The following LETMD1 variants were observed in gnomAD, a reference collection of about 807,000 sequenced individuals.
LETMD1 encodes the protein LETM1 domain-containing protein 1.
A neutral mutation model predicts 43.9 loss-of-function variants in LETMD1; 30 were observed. The ratio of observed to expected loss-of-function variants is 0.68; its 90% CI spans 0.51 to 0.93. LETMD1 has a LOEUF of 0.93. Among genes scored for constraint, LETMD1 ranks in the 40% least tolerant of loss-of-function variants. The pLI is 0.00. For missense variants in LETMD1, 413 were observed against 447.7 expected, an observed-to-expected ratio of 0.92 and a Z score of 0.70; for synonymous variants, 176 against 163.1, an observed-to-expected ratio of 1.08 and a Z score of -0.60.
chr12:51,064,795 T>C, downstream of LETMD1: 1 of 685,058 alleles, frequency 1.5e-6, no homozygotes, highest in Non-Finnish European at 2.3e-6. Flanking sequence ...AAGCAACCAA[T>C]TCAAAGCATA....
At chr12:51,058,360 G>A in intron 8 of LETMD1, 2 of 532,340 alleles carry the variant, frequency 3.8e-6, no homozygotes, top group Non-Finnish European at 6.7e-6. Context: ...GCATGCTAGT[G>A]TGAATTTTCC....
At chr12:51,066,725 T>C in the LETMD1 span, among the ~76,000 whole-genome samples, 6 of 152,180 alleles carry the variant, frequency 3.9e-5, no homozygotes, top group Non-Finnish European at 8.8e-5. Context: ...CCAGGTCTGA[T>C]CCTGAATTAT....
intron 2 of LETMD1, among the ~76,000 whole-genome samples, chr12:51,050,148 T>G (rs978487836): frequency 2.0e-5 from 3 of 152,202 alleles, no homozygotes; most frequent in African/African-American, 7.2e-5. Context: ...TTGGCTGCTT[T>G]TTCTGTTTTC....
chr12:51,048,487 C>T lies in LETMD1; in HGVS notation c.122+9C>T. On this transcript the variant is annotated intron_variant, in intron 1 of 8. Transcript: ENST00000262055. Reference sequence around the variant, plus strand: ...GCTTGGGGGGCCCCTCGGTGAGGGACCTGTAGCGAGAAAAGCATTTTTGAC... The same window carrying T: ...GCTTGGGGGGCCCCTCGGTGAGGGATCTGTAGCGAGAAAAGCATTTTTGAC... The T allele has an allele frequency of 1.9e-6, 3 of 1,612,514 alleles. No individual in the cohort carries two copies. The highest frequency in any genetic ancestry group is 1.1e-5 in the South Asian group (1 of 91,076).
At chr12:51,066,153 C>T in the LETMD1 span, among the ~76,000 whole-genome samples, 1 of 152,174 alleles carries the variant, frequency 6.6e-6, no homozygotes, top group East Asian at 1.9e-4. Context: ...AACCCTGTCT[C>T]TACTAAAAAT....
At chr12:51,048,963 C>CT in intron 1 of LETMD1, 71 bp from the exon 2 acceptor site, 1 of 1,397,238 alleles carries the variant, frequency 7.2e-7, no homozygotes, top group South Asian at 1.3e-5. Context: ...TCCTGCTTTA[C>CT]ATTAGGGACT....
intron 4 of LETMD1, among the ~76,000 whole-genome samples, chr12:51,055,497 C>T (rs987277527): frequency 6.6e-6 from 1 of 151,568 alleles, no homozygotes; most frequent in Non-Finnish European, 1.5e-5. Context: ...AGACCCGTCT[C>T]TGCAAAAAAA....
At chr12:51,063,158 T>G (rs1426053198), downstream of LETMD1, 2 of 152,164 alleles carry the variant, frequency 1.3e-5, no homozygotes, top group Admixed American at 1.3e-4. Flanking sequence ...ACACCAAACA[T>G]GTCAAATATT....
intron 2 of LETMD1, among the ~76,000 whole-genome samples, chr12:51,051,263 G>A (rs1045618549): frequency 5.3e-5 from 8 of 151,650 alleles, no homozygotes; most frequent in Non-Finnish European, 1.2e-4. Flanking sequence ...AATTAGCCAG[G>A]TGTGGTGATG....
rs1398155972 is a variant in LETMD1 at position 51,056,148 on chromosome 12, A to G, written c.665A>G (p.Gln222Arg). 1.9e-6 allele frequency: 3 copies of G among 1,614,104 alleles called. No individual in the cohort carries two copies. The highest frequency in any genetic ancestry group is 1.7e-5 in the Admixed American group (1 of 60,022). Residue 222 changes from glutamine to arginine, a missense_variant, in exon 6 of 9, where the codon CAG becomes CGG. Gln to Arg is a conservative substitution (Grantham distance 43). Coordinates refer to ENST00000262055, the MANE Select transcript of LETMD1 (RefSeq NM_015416.5). ...AAATCTCTTACCTCTTCCAAGATAC[A>G]GCGTGGTACCCACCCAGCAATACAT... ...WRLTDLCTKI[Q>R]RGTHPAIHDI...
intron 4 of LETMD1, among the ~76,000 whole-genome samples, chr12:51,054,377 G>A (rs576009784): frequency 6.6e-6 from 1 of 152,228 alleles, no homozygotes; most frequent in African/African-American, 2.4e-5. Context: ...TGCTCAGGTG[G>A]GCAGTTGATT....
In LETMD1 at chr12:51,056,139, C is replaced by G; in HGVS notation, c.661-5C>G. 3.1e-6 allele frequency: 5 copies of G among 1,613,972 alleles called. No individual in the cohort carries two copies. Among genetic ancestry groups the G allele is most frequent in the Non-Finnish European group, 3.4e-6 (4 of 1,179,830 alleles). The stretch of plus-strand genomic sequence containing the variant: ...AACATCTACAAATCTCTTACCTCTT[C>G]CAAGATACAGCGTGGTACCCACCCA... On this transcript the variant is annotated splice_region_variant and splice_polypyrimidine_tract_variant and intron_variant, in intron 5 of 8. Coordinates refer to ENST00000262055, the MANE Select transcript of LETMD1 (RefSeq NM_015416.5).
At chr12:51,056,899 A>G (rs1239627071) in intron 7 of LETMD1, 2 of 171,538 alleles carry the variant, frequency 1.2e-5, no homozygotes, top group Non-Finnish European at 2.5e-5. Flanking sequence ...AGATCCATCA[A>G]CCCAAAGTGC....
At chr12:51,063,920 G>A (rs373706626), downstream of LETMD1, 23 of 1,613,814 alleles carry the variant, frequency 1.4e-5, no homozygotes, top group Admixed American at 5.0e-5. Context: ...TACAATCTTC[G>A]GGCAATAGAG....
rs1156944200 is a variant in LETMD1, at chr12:51,048,395, G to A, written c.39G>A (p.Val13=). ...GGGTGTGCTGGGCTCGGTCGGCTGTGTGGGGCTCGGCAGTCACCCCTGGAC... is the reference window on the plus strand; with the variant it reads ...GGGTGTGCTGGGCTCGGTCGGCTGTATGGGGCTCGGCAGTCACCCCTGGAC... ...LSRVCWARSA[V]WGSAVTPGHF... is the part of the protein sequence containing the mutation. The change falls in exon 1 of 9, where the codon GTG becomes GTA. Residue 13 remains valine, a synonymous_variant. Coordinates refer to ENST00000262055, the MANE Select transcript of LETMD1 (RefSeq NM_015416.5). 4 of 1,614,022 alleles carry A rather than the reference G, an allele frequency of 2.5e-6. No individual in the cohort carries two copies. The highest frequency in any genetic ancestry group is 3.4e-6 in the Non-Finnish European group (4 of 1,180,030).
the LETMD1 span, among the ~76,000 whole-genome samples, chr12:51,066,549 G>A: frequency 6.6e-6 from 1 of 151,762 alleles, no homozygotes; most frequent in Non-Finnish European, 1.5e-5. Flanking sequence ...GCTGAGGCGG[G>A]AGAATCACTT....
downstream of LETMD1, chr12:51,064,122 T>C (rs372045824): frequency 3.1e-5 from 50 of 1,614,054 alleles, no homozygotes; most frequent in Middle Eastern, 6.6e-4. Context: ...CACTTGATAA[T>C]AGACCAGGGG....
the LETMD1 span, among the ~76,000 whole-genome samples, chr12:51,065,612 C>T: frequency 1.3e-5 from 2 of 151,932 alleles, no homozygotes; most frequent in African/African-American, 4.8e-5. Flanking sequence ...TGTGAGCCAC[C>T]GCGCCCGGCC....
chr12:51,068,154 T>C, the LETMD1 span, among the ~76,000 whole-genome samples: 1 of 152,178 alleles, frequency 6.6e-6, no homozygotes, highest in Non-Finnish European at 1.5e-5. Context: ...ATTGGAAAAC[T>C]GTCATTTTAT....
Sources: allele counts gnomAD v4.1 joint callset (sites outside exome capture counted in the v4.1 genomes callset), GRCh38; gene constraint gnomAD v4.1.1; transcripts MANE v1.5; gene names NCBI Gene and HGNC (gene_info 2026-07-23, HGNC 2026-07-21).